EFCAB6: variants seen among roughly 807,000 people sequenced by gnomAD.
EFCAB6 encodes EF-hand calcium binding domain 6.
Under a neutral mutation model 169.8 loss-of-function variants are expected in EFCAB6, and 156 were observed. That is an observed-to-expected ratio of 0.92 (90% CI 0.81 to 1.05). The LOEUF (loss-of-function observed/expected upper bound fraction) is 1.05. EFCAB6 is among the 50% of genes least tolerant of loss of function. The pLI, the probability that EFCAB6 is intolerant of heterozygous loss-of-function variation, is 0.00. For missense variants in EFCAB6, 1,800 were observed against 1,829.1 expected (o/e 0.98, Z 0.29); for synonymous variants, 698 against 676.4 (o/e 1.03, Z -0.50).
At chr22:43,737,293 C>T (rs1474885813) in intron 6 of EFCAB6, among the ~76,000 whole-genome samples, 1 of 151,952 alleles carries the variant, frequency 6.6e-6, no homozygotes, top group East Asian at 1.9e-4. Context: ...CACACATGCA[C>T]AGATACATGC....
At chr22:43,658,748 C>A (rs1296115875) in intron 17 of EFCAB6, among the ~76,000 whole-genome samples, 4 of 152,164 alleles carry the variant, frequency 2.6e-5, no homozygotes, top group Non-Finnish European at 5.9e-5. Flanking sequence ...TAAGTAACAA[C>A]TTCTGAAGGT....
chr22:43,781,767 G>C (rs2061829759), intron 3 of EFCAB6, among the ~76,000 whole-genome samples: 1 of 152,010 alleles, frequency 6.6e-6, no homozygotes, highest in African/African-American at 2.4e-5. Flanking sequence ...ATGTACCACA[G>C]TAATATGAGA....
At chr22:43,695,501 T>C (rs1178632082) in intron 10 of EFCAB6, among the ~76,000 whole-genome samples, 1 of 152,004 alleles carries the variant, frequency 6.6e-6, no homozygotes, top group South Asian at 2.1e-4. Flanking sequence ...CATGACTATA[T>C]AGAAAGACAA....
chr22:43,678,960 G>A (rs909833410), intron 12 of EFCAB6, among the ~76,000 whole-genome samples: 1 of 152,140 alleles, frequency 6.6e-6, no homozygotes, highest in African/African-American at 2.4e-5. Context: ...GGTAAATTAA[G>A]TACTTTAGGG....
chr22:43,616,638 C>G (rs752514302), intron 20 of EFCAB6, among the ~76,000 whole-genome samples: 1 of 152,038 alleles, frequency 6.6e-6, no homozygotes, highest in Non-Finnish European at 1.5e-5. Context: ...GCACTCCAGC[C>G]TGGGGGAGAG....
chr22:43,635,634 A>C (rs995312207), intron 17 of EFCAB6, among the ~76,000 whole-genome samples: 11 of 152,212 alleles, frequency 7.2e-5, no homozygotes, highest in African/African-American at 2.7e-4. Flanking sequence ...TGAAGTTTTC[A>C]TTCAAGTTTC....
Position 43,583,034 on chromosome 22 carries a change from G to C in EFCAB6, c.3033-2375C>G, listed in dbSNP as rs548651335. 9.9e-5 allele frequency among the ~76,000 whole-genome samples: 15 copies of C among 152,160 alleles called. 1 individual carries two copies. The South Asian group carries it at 3.1e-3, about 32-fold the overall frequency. On this transcript the variant is annotated intron_variant, in intron 24 of 31. Transcript: ENST00000262726. ...ATTAGCTGAACTGTTTGTTCCCACT[G>C]ACTAATCTGGACAAAATACCTACTA...
chr22:43,800,698 A>G (rs562298069), intron 2 of EFCAB6, among the ~76,000 whole-genome samples: 1 of 152,226 alleles, frequency 6.6e-6, no homozygotes, highest in East Asian at 1.9e-4. Flanking sequence ...TGAAAAATTC[A>G]TTAACGGCTA....
intron 6 of EFCAB6, among the ~76,000 whole-genome samples, chr22:43,752,695 C>T (rs2401410): frequency 0.88 from 133,637 of 152,194 alleles, 58,722 homozygotes; most frequent in East Asian, 0.99. Flanking sequence ...GACATCAAAG[C>T]ATCTGCCTGG....
At chr22:43,583,283 A>G (rs2050853071) in intron 24 of EFCAB6, among the ~76,000 whole-genome samples, 1 of 151,246 alleles carries the variant, frequency 6.6e-6, no homozygotes, top group Admixed American at 6.6e-5. Context: ...CTTCCCCATT[A>G]AAGAAAAGCC....
At position 43,530,812 on chromosome 22, in the gene EFCAB6, C is replaced by G. The variant is rs373313660; in HGVS notation, c.4383+3G>C. ...GAGGCACTGGGCGCAGAGCTGTGCTCACCGTCCTGAAATCTGCGACGCTTA... is the reference window on the plus strand; with the variant it reads ...GAGGCACTGGGCGCAGAGCTGTGCTGACCGTCCTGAAATCTGCGACGCTTA... On this transcript the variant is annotated splice_donor_region_variant and intron_variant, in intron 31 of 31. Transcript: ENST00000262726. 3.7e-6 allele frequency: 6 copies of G among 1,613,430 alleles called. No homozygotes were observed. The highest frequency in any genetic ancestry group is 4.2e-6 in the Non-Finnish European group (5 of 1,180,030).
At chr22:43,801,772 C>A (rs2062726445) in intron 2 of EFCAB6, among the ~76,000 whole-genome samples, 1 of 152,060 alleles carries the variant, frequency 6.6e-6, no homozygotes, top group Admixed American at 6.5e-5. Context: ...CAGAGAAAAT[C>A]AACCACAAGG....
At chr22:43,704,417 T>G (rs2058879429) in intron 10 of EFCAB6, among the ~76,000 whole-genome samples, 1 of 152,116 alleles carries the variant, frequency 6.6e-6, no homozygotes, top group African/African-American at 2.4e-5. Flanking sequence ...AACATAAAAG[T>G]TACAAAAACA....
chr22:43,681,588 C>T (rs1198712860), intron 12 of EFCAB6, among the ~76,000 whole-genome samples: 1 of 151,988 alleles, frequency 6.6e-6, no homozygotes, highest in Non-Finnish European at 1.5e-5. Flanking sequence ...TTTTGTAAGA[C>T]ATATTTCTAT....
intron 27 of EFCAB6, among the ~76,000 whole-genome samples, chr22:43,544,785 C>A (rs1291935983): frequency 6.6e-6 from 1 of 151,942 alleles, no homozygotes; most frequent in African/African-American, 2.4e-5. Context: ...GAACCCTGAA[C>A]AATACTCAAA....
intron 13 of EFCAB6, among the ~76,000 whole-genome samples, chr22:43,675,246 T>C (rs2057674611): frequency 7.0e-6 from 1 of 143,602 alleles, no homozygotes; most frequent in Non-Finnish European, 1.5e-5. Context: ...TATGTTATTA[T>C]ATATTATGTG....
intron 4 of EFCAB6, among the ~76,000 whole-genome samples, chr22:43,766,067 G>A (rs923787486): frequency 2.0e-5 from 3 of 151,910 alleles, no homozygotes; most frequent in African/African-American, 4.8e-5. Context: ...ATGGAGTCTC[G>A]CTCTGTCACG....
intron 23 of EFCAB6, among the ~76,000 whole-genome samples, chr22:43,596,009 C>A (rs538225885): frequency 2.0e-5 from 3 of 152,196 alleles, no homozygotes; most frequent in African/African-American, 2.4e-5. Flanking sequence ...ATGATAATTT[C>A]AACAGATGCT....
intron 7 of EFCAB6, among the ~76,000 whole-genome samples, chr22:43,733,842 G>A (rs2060041970): frequency 6.6e-6 from 1 of 152,080 alleles, no homozygotes; most frequent in African/African-American, 2.4e-5. Context: ...CCAAGTAGCT[G>A]GGACTACAGG....
Sources: gnomAD v4.1 joint callset for allele counts (sites outside exome capture counted in the v4.1 genomes callset) on GRCh38, gnomAD v4.1.1 for gene constraint, MANE v1.5 for transcripts, NCBI Gene and HGNC (gene_info 2026-07-23, HGNC 2026-07-21) for gene names.